FAM120A: variants seen among roughly 807,000 people sequenced by gnomAD.
FAM120A encodes the protein family with sequence similarity 120 member A.
Under a neutral mutation model 109.7 loss-of-function variants are expected in FAM120A, and 15 were observed. The ratio of observed to expected loss-of-function variants is 0.14; its 90% CI spans 0.09 to 0.21. The LOEUF is 0.21. Among genes scored for constraint, FAM120A ranks in the 10% least tolerant of loss-of-function variants. The pLI, the probability that FAM120A is intolerant of heterozygous loss-of-function variation, is 1.00. For synonymous variants in FAM120A, 493 were observed against 572.8 expected (o/e 0.86, Z 1.99); for missense variants, 899 against 1,439.3 (o/e 0.62, Z 6.07).
chr9:93,494,119 A>G (rs1321389234), intron 3 of FAM120A, among the ~76,000 whole-genome samples: 1 of 152,202 alleles, frequency 6.6e-6, no homozygotes, highest in Non-Finnish European at 1.5e-5. Context: ...AGTGCAGTTC[A>G]GGCAGAGCAG....
At chr9:93,549,983 T>A (rs555482744) in intron 11 of FAM120A, among the ~76,000 whole-genome samples, 2 of 152,178 alleles carry the variant, frequency 1.3e-5, no homozygotes, top group Non-Finnish European at 2.9e-5. Context: ...GATTTGGAGA[T>A]TGATTGTCCT....
chr9:93,467,153 G>T (rs1179162138), intron 1 of FAM120A, among the ~76,000 whole-genome samples: 1 of 151,396 alleles, frequency 6.6e-6, no homozygotes, highest in Non-Finnish European at 1.5e-5. Flanking sequence ...TTCGACAAAT[G>T]CTGAGTCATC....
intron 5 of FAM120A, among the ~76,000 whole-genome samples, chr9:93,501,140 G>C (rs1338229815): frequency 6.6e-6 from 1 of 152,176 alleles, no homozygotes; most frequent in Non-Finnish European, 1.5e-5. Flanking sequence ...GCAGTCTCCT[G>C]TGTTTCACTG....
At position 93,529,523 on chromosome 9, in the gene FAM120A, C is replaced by G. The variant is rs752786328; in HGVS notation, c.1677C>G (p.Ala559=). The part of the protein sequence containing the change: ...PPVAPEVLRV[A]EHRHKKGLMY... Reference sequence around the variant, plus strand: ...TCGCACCTGAGGTGCTGAGAGTGGCCGAGCACAGGCACAAGAAGGGGCTGA... The same window carrying G: ...TCGCACCTGAGGTGCTGAGAGTGGCGGAGCACAGGCACAAGAAGGGGCTGA... Residue 559 remains alanine (A), a synonymous_variant, in exon 9 of 18, where the codon GCC becomes GCG. Coordinates refer to ENST00000277165, the MANE Select transcript of FAM120A (RefSeq NM_014612.5). The G allele has an allele frequency of 2.5e-6, 4 of 1,614,078 alleles. No individual in the cohort carries two copies. The highest frequency in any genetic ancestry group is 3.4e-6 in the Non-Finnish European group (4 of 1,180,030).
intron 17 of FAM120A, among the ~76,000 whole-genome samples, chr9:93,563,536 G>A (rs1862543712): frequency 1.3e-5 from 2 of 152,220 alleles, no homozygotes; most frequent in African/African-American, 2.4e-5. Context: ...GCCCCATCAC[G>A]GAGAGTGGAC....
At chr9:93,510,134 G>C (rs541372150) in intron 5 of FAM120A, among the ~76,000 whole-genome samples, 8 of 152,324 alleles carry the variant, frequency 5.3e-5, no homozygotes, top group Admixed American at 2.0e-4. Context: ...TTCTGGTCCA[G>C]AATTCCCAAG....
intron 7 of FAM120A, 86 bp from the exon 8 acceptor site, chr9:93,527,069 C>A: frequency 2.0e-6 from 2 of 992,270 alleles, no homozygotes; most frequent in East Asian, 2.4e-5. Flanking sequence ...TATTATGAGC[C>A]TGAAGACTTA....
intron 3 of FAM120A, among the ~76,000 whole-genome samples, chr9:93,477,295 T>G (rs558690063): frequency 6.6e-6 from 1 of 152,326 alleles, no homozygotes; most frequent in African/African-American, 2.4e-5. Context: ...GAAGTAGAAT[T>G]CCTTTCCTCC....
rs1191443436 is a variant in FAM120A, at chr9:93,517,910, ACTT to A, written c.1418+1643_1418+1645del. ...CATGTCCTGTCTTTTCTGGGTATGC[ACTT>A]CCTACCTGTCTGTGAAGGTTCTGGT... is the stretch of plus-strand genomic sequence containing the variant. On this transcript the variant is annotated intron_variant, in intron 7 of 17. Transcript: ENST00000277165. Among the ~76,000 whole-genome samples, 15 of 152,144 alleles carry A rather than the reference ACTT, an allele frequency of 9.9e-5. 2 individuals carry two copies. The highest frequency in any genetic ancestry group is 3.4e-4 in the African/African-American group (14 of 41,438).
At chr9:93,540,298 A>G (rs750204933) in intron 10 of FAM120A, among the ~76,000 whole-genome samples, 17 of 152,220 alleles carry the variant, frequency 1.1e-4, no homozygotes, top group Non-Finnish European at 2.4e-4. Flanking sequence ...ATCTCTAACT[A>G]TTAGAGATGA....
At position 93,478,794 on chromosome 9, in the gene FAM120A, C is replaced by T. The variant is rs181394591; in HGVS notation, c.804+2456C>T. On this transcript the variant is annotated intron_variant, in intron 3 of 17. Coordinates refer to ENST00000277165, the MANE Select transcript of FAM120A (RefSeq NM_014612.5). ...CCCGGCTCACTTTAATGTTTTGACC[C>T]TTCATTCACATTTTTGTATGCAGCA... Among the ~76,000 whole-genome samples, 44 of 152,242 alleles carry T rather than the reference C, an allele frequency of 2.9e-4. No homozygotes were observed. The East Asian group carries it at 5.0e-3, about 17-fold the overall frequency.
rs1862495449 is a variant in FAM120A at position 93,562,279 on chromosome 9, G to T, written c.3020G>T (p.Gly1007Val). The T allele has an allele frequency of 6.2e-7, 1 of 1,614,134 alleles. No individual in the cohort carries two copies. The highest frequency in any genetic ancestry group is 8.5e-7 in the Non-Finnish European group (1 of 1,179,992). The change falls in exon 17 of 18, where the codon GGT becomes GTT. Residue 1007 changes from glycine to valine, a missense_variant. By Grantham distance (109) the Gly-to-Val change is moderately radical. This residue lies in a region of FAM120A where 170 missense variants were observed against 205.0 expected (regional missense o/e 0.83). Coordinates refer to ENST00000277165, the MANE Select transcript of FAM120A (RefSeq NM_014612.5). ...FGRGGRYYGR[G>V]YKNQAAIQGR... The stretch of plus-strand genomic sequence containing the variant: ...AGAGGTGGAAGGTACTATGGCAGAG[G>T]TTACAAAAACCAGGCAGCAATTCAG...
chr9:93,550,727 T>C (rs759512773), intron 12 of FAM120A, 36 bp downstream of exon 12: 1 of 1,540,804 alleles, frequency 6.5e-7, no homozygotes, highest in East Asian at 2.3e-5. Flanking sequence ...TCTTGGACAG[T>C]CTCACTTTGG....
At chr9:93,472,915 G>A (rs1008460658) in intron 2 of FAM120A, among the ~76,000 whole-genome samples, 1 of 152,176 alleles carries the variant, frequency 6.6e-6, no homozygotes, top group African/African-American at 2.4e-5. Context: ...ACCAGAAAAT[G>A]GGGACTGGGC....
intron 1 of FAM120A, among the ~76,000 whole-genome samples, chr9:93,461,298 A>G (rs571061133): frequency 1.3e-5 from 2 of 152,302 alleles, no homozygotes; most frequent in Admixed American, 6.5e-5. Flanking sequence ...TACATCATTC[A>G]TCCTCTGAGG....
chr9:93,562,161 C>G, intron 16 of FAM120A, 47 bp from the exon 17 acceptor site: 1 of 1,417,274 alleles, frequency 7.1e-7, no homozygotes, highest in Non-Finnish European at 1.0e-6. Flanking sequence ...TAAATGTTGT[C>G]TGTAACAGAT....
chr9:93,523,804 A>G (rs1174469210), intron 7 of FAM120A, among the ~76,000 whole-genome samples: 1 of 152,254 alleles, frequency 6.6e-6, no homozygotes, highest in African/African-American at 2.4e-5. Context: ...TGTTCCTGAC[A>G]TTTTAAGCTC....
At chr9:93,503,621 T>C (rs1859899393) in intron 5 of FAM120A, among the ~76,000 whole-genome samples, 1 of 152,072 alleles carries the variant, frequency 6.6e-6, no homozygotes, top group Non-Finnish European at 1.5e-5. Context: ...GTGAAACTAT[T>C]CTGTATGATA....
chr9:93,515,110 G>C (rs551143814), intron 5 of FAM120A, among the ~76,000 whole-genome samples: 23 of 141,304 alleles, frequency 1.6e-4, no homozygotes, highest in African/African-American at 5.4e-4. Flanking sequence ...GTTAAAATGT[G>C]TAACCTAATT....
Sources: allele counts gnomAD v4.1 joint callset (sites outside exome capture counted in the v4.1 genomes callset), GRCh38; gene constraint gnomAD v4.1.1; regional missense constraint gnomAD v4.1.1; transcripts MANE v1.5; gene names NCBI Gene and HGNC (gene_info 2026-07-23, HGNC 2026-07-21).